Variants in CACNB2 observed in about 807,000 individuals in gnomAD.
CACNB2 encodes calcium voltage-gated channel auxiliary subunit beta 2.
CACNB2 carries 42 observed loss-of-function variants against 73.3 expected under a neutral mutation model. The ratio of observed to expected loss-of-function variants is 0.57; its 90% CI spans 0.45 to 0.74. The LOEUF (loss-of-function observed/expected upper bound fraction) is 0.74, where lower values mean the gene tolerates loss of function less well. Ranked by LOEUF, CACNB2 falls within the 30% of genes least tolerant of loss-of-function variation. The pLI, the probability that CACNB2 is intolerant of heterozygous loss-of-function variation, is 0.00. For synonymous variants in CACNB2, 348 were observed against 310.3 expected (o/e 1.12, Z -1.28); for missense variants, 940 against 853.0 (o/e 1.10, Z -1.27).
intron 3 of CACNB2, among the ~76,000 whole-genome samples, chr10:18,455,607 C>A (rs2047239748): frequency 2.6e-5 from 4 of 152,174 alleles, no homozygotes; most frequent in Admixed American, 6.5e-5. Context: ...AGTAATGGAA[C>A]TTAGCCCAAG....
intron 2 of CACNB2, among the ~76,000 whole-genome samples, chr10:18,315,882 C>T (rs1300829263): frequency 6.6e-6 from 1 of 152,222 alleles, no homozygotes. Flanking sequence ...AGCTGAAAGT[C>T]ATGCTGCTGA....
At chr10:18,226,528 A>G (rs990432630) in intron 2 of CACNB2, among the ~76,000 whole-genome samples, 2 of 152,210 alleles carry the variant, frequency 1.3e-5, no homozygotes, top group Non-Finnish European at 2.9e-5. Context: ...CCCAGGCTAC[A>G]CAGCCAGTAA....
intron 2 of CACNB2, among the ~76,000 whole-genome samples, chr10:18,231,596 A>C (rs1319394179): frequency 2.0e-5 from 3 of 152,220 alleles, no homozygotes; most frequent in South Asian, 2.1e-4. Context: ...TTATCCATTG[A>C]ACCTTCACTG....
In CACNB2 at chr10:18,140,664, G is replaced by C. The variant is rs1564288017; in HGVS notation, c.-73G>C. On this transcript the variant is annotated 5_prime_UTR_variant, in exon 1 of 14. Transcript: ENST00000324631. ...GGCCCCCAGAGCCGATCAGAGCGCG[G>C]GGAGGCGGGGGCGAGGAGGAGGGGA... 6 of 1,346,310 alleles carry C rather than the reference G, an allele frequency of 4.5e-6. No individual in the cohort carries two copies. The highest frequency in any genetic ancestry group is 1.4e-5 in the African/African-American group (1 of 69,882). 83.4% of individuals were successfully genotyped at this position (1,346,310 alleles called of 1,614,324 possible).
At chr10:18,514,879 T>C in intron 7 of CACNB2, 1 of 806,708 alleles carries the variant, frequency 1.2e-6, no homozygotes, top group Admixed American at 2.0e-5. Context: ...ATTAAAGCAG[T>C]TATTAAATTC....
intron 6 of CACNB2, 142 bp downstream of exon 6, chr10:18,506,689 T>G (rs1054599453): frequency 2.2e-5 from 15 of 687,302 alleles, no homozygotes; most frequent in Middle Eastern, 2.4e-4. Context: ...GAGCATGCCC[T>G]TTTGGAGTTA....
chr10:18,204,056 T>A (rs976398533), intron 2 of CACNB2, among the ~76,000 whole-genome samples: 8 of 152,182 alleles, frequency 5.3e-5, no homozygotes, highest in Admixed American at 5.2e-4. Context: ...CTTATCCTTA[T>A]AGGAGAAAAA....
At chr10:18,504,499 C>T (rs139643433) in intron 5 of CACNB2, among the ~76,000 whole-genome samples, 1 of 152,332 alleles carries the variant, frequency 6.6e-6, no homozygotes, top group East Asian at 1.9e-4. Context: ...TCAGAACTTA[C>T]TCCAGAGAAC....
chr10:18,252,266 G>C (rs532799744), intron 2 of CACNB2, among the ~76,000 whole-genome samples: 1 of 152,204 alleles, frequency 6.6e-6, no homozygotes, highest in Non-Finnish European at 1.5e-5. Flanking sequence ...AAGGAATGCT[G>C]TTCATAAGTT....
chr10:18,150,034 TAACTCTAAACTC>T (rs2031368616), intron 1 of CACNB2, among the ~76,000 whole-genome samples: 3 of 152,242 alleles, frequency 2.0e-5, no homozygotes, highest in African/African-American at 7.2e-5. Context: ...GTGCTACATT[TAACTCTAAACTC>T]AACTGTTAAG....
At chr10:18,469,162 C>T (rs1228515542) in intron 3 of CACNB2, among the ~76,000 whole-genome samples, 1 of 152,076 alleles carries the variant, frequency 6.6e-6, no homozygotes, top group Non-Finnish European at 1.5e-5. Context: ...ATTGCTTGGG[C>T]CCAGGTGGTC....
intron 2 of CACNB2, among the ~76,000 whole-genome samples, chr10:18,152,777 T>TA (rs1273414927): frequency 4.5e-5 from 6 of 132,958 alleles, no homozygotes; most frequent in Non-Finnish European, 7.9e-5. Context: ...GTAGCTGCAG[T>TA]AAAGCAACAA....
intron 2 of CACNB2, among the ~76,000 whole-genome samples, chr10:18,214,903 G>A (rs925944650): frequency 2.0e-5 from 3 of 152,264 alleles, no homozygotes; most frequent in South Asian, 2.1e-4. Flanking sequence ...TCATGTCCAC[G>A]CCAGGGATTT....
At chr10:18,393,440 C>T (rs1411709518) in intron 2 of CACNB2, among the ~76,000 whole-genome samples, 1 of 152,160 alleles carries the variant, frequency 6.6e-6, no homozygotes, top group East Asian at 1.9e-4. Context: ...CTTCTATAAA[C>T]TGTAAATAGC....
chr10:18,148,267 T>C (rs2031190701), intron 1 of CACNB2, among the ~76,000 whole-genome samples: 1 of 152,222 alleles, frequency 6.6e-6, no homozygotes. Context: ...AATCATCCCT[T>C]ATACACTTAA....
chr10:18,260,540 T>C, intron 2 of CACNB2: 7 of 985,720 alleles, frequency 7.1e-6, no homozygotes, highest in Non-Finnish European at 8.4e-6. Context: ...GTGAAATACC[T>C]ACTGCAGGAC....
At chr10:18,180,741 C>T (rs560026750) in intron 2 of CACNB2, among the ~76,000 whole-genome samples, 7 of 152,080 alleles carry the variant, frequency 4.6e-5, no homozygotes, top group African/African-American at 1.4e-4. Context: ...CACGGGCCGG[C>T]GGATCACGAG....
intron 2 of CACNB2, among the ~76,000 whole-genome samples, chr10:18,344,092 G>A (rs1358285716): frequency 2.0e-5 from 3 of 149,518 alleles, no homozygotes; most frequent in African/African-American, 7.4e-5. Flanking sequence ...AAGAAAGTTA[G>A]CATGTGACTG....
At chr10:18,328,452 G>T (rs780822908) in intron 2 of CACNB2, among the ~76,000 whole-genome samples, 3 of 152,026 alleles carry the variant, frequency 2.0e-5, no homozygotes, top group Non-Finnish European at 4.4e-5. Context: ...TATCCACTTA[G>T]GTATCATACT....
Sources: gnomAD v4.1 joint callset for allele counts (sites outside exome capture counted in the v4.1 genomes callset) on GRCh38, gnomAD v4.1.1 for gene constraint, MANE v1.5 for transcripts, NCBI Gene and HGNC (gene_info 2026-07-23, HGNC 2026-07-21) for gene names.